HSPA14: variants seen among roughly 807,000 people sequenced by gnomAD.
HSPA14 encodes the protein heat shock protein family A (Hsp70) member 14.
Under a neutral mutation model 65.5 loss-of-function variants are expected in HSPA14, and 37 were observed. That is an observed-to-expected ratio of 0.56 (90% CI 0.43 to 0.74). The LOEUF is 0.74. Ranked by LOEUF, HSPA14 falls within the 30% of genes least tolerant of loss-of-function variation. HSPA14 has a pLI of 0.00. For synonymous variants in HSPA14, 203 were observed against 214.2 expected (o/e 0.95, Z 0.46); for missense variants, 564 against 607.6 (o/e 0.93, Z 0.75).
chr10:14,845,593 T>C, intron 3 of HSPA14: 4 of 932,538 alleles, frequency 4.3e-6, no homozygotes, highest in Non-Finnish European at 5.1e-6. Flanking sequence ...TTTTCTATTA[T>C]TATTATTTTT....
chr10:14,864,857 G>A (rs1016575378), intron 10 of HSPA14, among the ~76,000 whole-genome samples: 1 of 152,284 alleles, frequency 6.6e-6, no homozygotes, highest in African/African-American at 2.4e-5. Flanking sequence ...GGATGGCTGG[G>A]TCAAATGGTA....
chr10:14,851,006 TG>T (rs1834104708), intron 6 of HSPA14: 3 of 406,234 alleles, frequency 7.4e-6, no homozygotes, highest in Non-Finnish European at 1.3e-5. Context: ...GTGAAGAATA[TG>T]GGCTCTGAAC....
In HSPA14 at chr10:14,843,497, C is replaced by T. The variant is rs1372732583; in HGVS notation, c.221+3340C>T. On this transcript the variant is annotated intron_variant, in intron 3 of 13. Coordinates refer to ENST00000378372, the MANE Select transcript of HSPA14 (RefSeq NM_016299.4). Reference sequence around the variant, plus strand: ...GGGGAGCCCAGCCCCTGCACCAGCACCAACCGCAGCACTCCTGGGGTAGCC... The same window carrying T: ...GGGGAGCCCAGCCCCTGCACCAGCATCAACCGCAGCACTCCTGGGGTAGCC... 7.7e-6 allele frequency: 12 copies of T among 1,550,560 alleles called. No homozygotes were observed. In the Admixed American group the frequency reaches 1.8e-4, roughly 23 times the overall value.
Position 14,842,543 on chromosome 10 carries a change from C to T in HSPA14, c.221+2386C>T, listed in dbSNP as rs1235324617. ...TGCCCATGCCACAAGTATGGGTGAG[C>T]CACCACACTGTCCATTTTATGATAC... On this transcript the variant is annotated intron_variant, in intron 3 of 13. Coordinates refer to ENST00000378372, the MANE Select transcript of HSPA14 (RefSeq NM_016299.4). The surrounding 1 kb of genome is among the most constrained non-coding windows in gnomAD (Gnocchi z 5.2). The T allele has an allele frequency of 6.5e-7, 1 of 1,536,010 alleles. No individual in the cohort carries two copies. Among genetic ancestry groups the T allele is most frequent in the Non-Finnish European group, 8.7e-7 (1 of 1,146,928 alleles).
Position 14,842,889 on chromosome 10 carries a change from T to C in HSPA14, c.221+2732T>C, listed in dbSNP as rs954031739. 3.7e-6 allele frequency: 5 copies of C among 1,345,306 alleles called. No homozygotes were observed. The African/African-American group carries it at 5.8e-5, about 16-fold the overall frequency. 83.3% of individuals were successfully genotyped at this position (1,345,306 alleles called of 1,614,324 possible). On this transcript the variant is annotated intron_variant, in intron 3 of 13. Transcript: ENST00000378372. The surrounding 1 kb of genome is among the most constrained non-coding windows in gnomAD (Gnocchi z 5.2). ...GAAGGAGTTGGGTCCCAGAGTCTTG[T>C]GGCTCTAAACATTTAGCTGTGTCTG... is the stretch of plus-strand genomic sequence containing the variant.
intron 10 of HSPA14, among the ~76,000 whole-genome samples, chr10:14,866,085 T>C (rs760538972): frequency 2.0e-5 from 3 of 152,162 alleles, no homozygotes; most frequent in Non-Finnish European, 4.4e-5. Context: ...TAATAAAGCT[T>C]TTTTGATGTT....
chr10:14,844,607 G>A, intron 3 of HSPA14: 6 of 985,272 alleles, frequency 6.1e-6, no homozygotes, highest in Non-Finnish European at 7.2e-6. Context: ...CATTTTACTG[G>A]TTCTTAGTCT....
intron 7 of HSPA14, 123 bp from the exon 8 acceptor site, chr10:14,852,247 T>C: frequency 1.3e-6 from 1 of 759,822 alleles, no homozygotes; most frequent in Non-Finnish European, 2.2e-6. Context: ...ACAACTTAGT[T>C]ATTCACCTGA....
intron 1 of HSPA14, chr10:14,838,706 A>C (rs1175901088): frequency 2.6e-5 from 12 of 469,280 alleles, no homozygotes; most frequent in Non-Finnish European, 3.8e-5. Flanking sequence ...CCAGGGCGTC[A>C]TGGCGGCGGG....
chr10:14,845,596 T>C (rs988345129), intron 3 of HSPA14: 10 of 929,570 alleles, frequency 1.1e-5, no homozygotes, highest in Non-Finnish European at 1.2e-5. Context: ...TCTATTATTA[T>C]TATTTTTTTT....
Position 14,842,855 on chromosome 10 carries a change from C to T in HSPA14, c.221+2698C>T. The T allele has an allele frequency of 6.6e-7, 1 of 1,508,442 alleles. No individual in the cohort carries two copies. Among genetic ancestry groups the T allele is most frequent in the Middle Eastern group, 1.7e-4 (1 of 5,884 alleles). The allele number at this position is 1,508,442 out of a possible 1,614,324, so 93.4% of individuals were successfully genotyped here. A position where few individuals can be genotyped will look rare whatever the true frequency, so the allele number is the denominator to read the frequency against. ...TGAATCCTCGGGTGCAGGTAACTCC[C>T]AAGCATGTGAAGGAGTTGGGTCCCA... On this transcript the variant is annotated intron_variant, in intron 3 of 13. Transcript: ENST00000378372. This position sits in a 1 kb window ranked among gnomAD's most constrained non-coding sequence, Gnocchi z 5.2.
chr10:14,862,657 G>A (rs965283991), intron 10 of HSPA14, among the ~76,000 whole-genome samples: 4 of 152,060 alleles, frequency 2.6e-5, no homozygotes, highest in African/African-American at 9.7e-5. Flanking sequence ...TTGCAGGCAT[G>A]AGCCACTGTG....
intron 12 of HSPA14, among the ~76,000 whole-genome samples, chr10:14,869,275 ATATCTT>A (rs1264146048): frequency 2.0e-5 from 3 of 150,452 alleles, no homozygotes; most frequent in African/African-American, 7.3e-5. Context: ...AAAGAGATAC[ATATCTT>A]TAGCTCACAT....
intron 10 of HSPA14, 86 bp downstream of exon 10, chr10:14,856,029 T>G: frequency 1.4e-6 from 1 of 731,586 alleles, no homozygotes; most frequent in Admixed American, 2.7e-5. Flanking sequence ...TGAAAGAATA[T>G]TTTAATGCAT....
At chr10:14,868,617 G>A (rs985454062) in intron 12 of HSPA14, among the ~76,000 whole-genome samples, 1 of 152,150 alleles carries the variant, frequency 6.6e-6, no homozygotes, top group Admixed American at 6.5e-5. Context: ...TAGTATTTGA[G>A]TAGGGGTGCA....
rs140286708 is a variant in HSPA14 at position 14,864,599 on chromosome 10, G to C, written c.994-2484G>C. 5.7e-3 allele frequency among the ~76,000 whole-genome samples: 866 copies of C among 151,250 alleles called. 18 individuals carry two copies. The East Asian group carries it at 0.077, about 13-fold the overall frequency. Reference sequence around the variant, plus strand: ...ATGCGGTGTTTGGTTTTTTGTCCTTGCGATAGTTTGCTGAGAATGATGGTT... The same window carrying C: ...ATGCGGTGTTTGGTTTTTTGTCCTTCCGATAGTTTGCTGAGAATGATGGTT... On this transcript the variant is annotated intron_variant, in intron 10 of 13. Transcript: ENST00000378372.
chr10:14,841,810 G>A (rs1161958754), intron 3 of HSPA14, among the ~76,000 whole-genome samples: 1 of 152,202 alleles, frequency 6.6e-6, no homozygotes, highest in Admixed American at 6.5e-5. Context: ...TTGCTATACC[G>A]TGGTCATGCT....
At position 14,852,628 on chromosome 10, in the gene HSPA14, A is replaced by C; in HGVS notation, c.734+97A>C. ...ATTTATTTTAAGTTATCCTGCTGCAAAGGAGGATGTGGTTTTTTCATTGCT... is the reference window on the plus strand; with the variant it reads ...ATTTATTTTAAGTTATCCTGCTGCACAGGAGGATGTGGTTTTTTCATTGCT... On this transcript the variant is annotated intron_variant, in intron 8 of 13. Transcript: ENST00000378372. The C allele has an allele frequency of 8.1e-6, 8 of 982,440 alleles. No individual in the cohort carries two copies. The South Asian group carries it at 1.2e-4, about 15-fold the overall frequency. The allele number at this position is 982,440 out of a possible 1,614,324, so 60.9% of individuals were successfully genotyped here. A position where few individuals can be genotyped will look rare whatever the true frequency, so the allele number is the denominator to read the frequency against.
rs1588807347 is a variant in HSPA14 at position 14,843,774 on chromosome 10, C to G, written c.221+3617C>G. The G allele has an allele frequency of 7.2e-6, 11 of 1,536,342 alleles. No individual in the cohort carries two copies. In the East Asian group the frequency reaches 2.7e-4, roughly 38 times the overall value. On this transcript the variant is annotated intron_variant, in intron 3 of 13. Transcript: ENST00000378372. ...CTCAGCAAGATACTGCCAATGAGCTCCGCAGGGATGCTGTCATCGCAGTCA... is the reference window on the plus strand; with the variant it reads ...CTCAGCAAGATACTGCCAATGAGCTGCGCAGGGATGCTGTCATCGCAGTCA...
Sources: gnomAD v4.1 joint callset for allele counts (sites outside exome capture counted in the v4.1 genomes callset) on GRCh38, gnomAD v4.1.1 for gene constraint, Gnocchi (gnomAD v3.1) non-coding constraint, MANE v1.5 for transcripts, NCBI Gene and HGNC (gene_info 2026-07-23, HGNC 2026-07-21) for gene names.